SNTG1: variants seen among roughly 807,000 people sequenced by gnomAD.
The protein encoded by SNTG1 is syntrophin gamma 1, also known as gamma-1-syntrophin.
In SNTG1, 39 loss-of-function variants were observed where a neutral mutation model predicts 74.7. The ratio of observed to expected loss-of-function variants is 0.52; its 90% CI spans 0.40 to 0.68. SNTG1 has a LOEUF of 0.68. Ranked by LOEUF, SNTG1 falls within the 30% of genes least tolerant of loss-of-function variation. SNTG1 has a pLI of 0.00. For missense variants in SNTG1, 685 were observed against 609.5 expected, an observed-to-expected ratio of 1.12 and a Z score of -1.30; for synonymous variants, 254 against 217.1, an observed-to-expected ratio of 1.17 and a Z score of -1.49.
chr8:50,119,777 A>G (rs2080937335), intron 1 of SNTG1, among the ~76,000 whole-genome samples: 1 of 141,788 alleles, frequency 7.1e-6, no homozygotes, highest in African/African-American at 2.5e-5. Context: ...GCATAGGGAA[A>G]TTAAAGAAGT....
At chr8:50,316,863 A>C (rs536580041) in intron 2 of SNTG1, among the ~76,000 whole-genome samples, 22 of 152,328 alleles carry the variant, frequency 1.4e-4, no homozygotes, top group African/African-American at 5.0e-4. Context: ...TTCCAGTAAT[A>C]GTGGAACAAT....
chr8:50,484,686 C>T (rs971115762), intron 8 of SNTG1, among the ~76,000 whole-genome samples: 1 of 151,084 alleles, frequency 6.6e-6, no homozygotes, highest in African/African-American at 2.4e-5. Context: ...AGGAAGAAAC[C>T]CTAGCTCTAC....
chr8:50,410,882 A>G (rs2092940046), intron 4 of SNTG1, among the ~76,000 whole-genome samples: 1 of 152,138 alleles, frequency 6.6e-6, no homozygotes, highest in South Asian at 2.1e-4. Context: ...CTGTGTATAT[A>G]TATGCTTTAT....
intron 4 of SNTG1, among the ~76,000 whole-genome samples, chr8:50,417,512 CT>C (rs1330563634): frequency 6.6e-6 from 1 of 152,148 alleles, no homozygotes; most frequent in East Asian, 1.9e-4. Flanking sequence ...TAAATCTCCT[CT>C]AACAGTGGAG....
chr8:49,980,243 C>A (rs533815260), intron 1 of SNTG1, among the ~76,000 whole-genome samples: 16 of 152,248 alleles, frequency 1.1e-4, no homozygotes, highest in South Asian at 6.2e-4. Flanking sequence ...CTCTGGATAT[C>A]TCTTCCAATT....
chr8:50,636,548 TGAC>T lies in SNTG1; in HGVS notation c.850-20360_850-20358del, dbSNP rs1367842857. ...TGAGTTCTACTAATGTTGGCAGGACTGACTTCCAATGAAAATTCCCAAAGTCAC... is the reference window on the plus strand; with the variant it reads ...TGAGTTCTACTAATGTTGGCAGGACTTTCCAATGAAAATTCCCAAAGTCAC... On this transcript the variant is annotated intron_variant, in intron 13 of 18. Transcript: ENST00000642720. Among the ~76,000 whole-genome samples, 6 of 152,256 alleles carry T rather than the reference TGAC, an allele frequency of 3.9e-5. No individual in the cohort carries two copies. In the South Asian group the frequency reaches 1.2e-3, roughly 32 times the overall value.
At chr8:50,762,116 A>C (rs1486981313) in intron 18 of SNTG1, among the ~76,000 whole-genome samples, 1 of 150,594 alleles carries the variant, frequency 6.6e-6, no homozygotes, top group East Asian at 2.0e-4. Context: ...ACAGTGAAGA[A>C]ATTTCCCCCG....
chr8:50,644,567 T>C (rs1343254673), intron 13 of SNTG1: 1 of 152,228 alleles, frequency 6.6e-6, no homozygotes, highest in Non-Finnish European at 1.5e-5. Flanking sequence ...GTGAATCTCC[T>C]GCTTATATTT....
chr8:50,520,752 CATT>C (rs1458959316), intron 9 of SNTG1, among the ~76,000 whole-genome samples: 1 of 152,052 alleles, frequency 6.6e-6, no homozygotes, highest in Non-Finnish European at 1.5e-5. Context: ...GAATGGTGAT[CATT>C]AAGAAGTCAG....
At chr8:50,409,700 T>C (rs903341940) in intron 4 of SNTG1, among the ~76,000 whole-genome samples, 2 of 152,224 alleles carry the variant, frequency 1.3e-5, no homozygotes, top group African/African-American at 4.8e-5. Context: ...GCTGTTCTCA[T>C]GGTAGTATAC....
At chr8:50,601,628 A>G (rs1466614709) in intron 13 of SNTG1, among the ~76,000 whole-genome samples, 5 of 152,174 alleles carry the variant, frequency 3.3e-5, no homozygotes, top group Non-Finnish European at 7.4e-5. Context: ...GTAAATATTT[A>G]TTAGGTTCAT....
chr8:50,164,092 C>CTTTTTTTTTTTTTTTTTTTTTTTTTTTTT, intron 1 of SNTG1: 1 of 71,984 alleles, frequency 1.4e-5, no homozygotes, highest in Non-Finnish European at 2.7e-5. Context: ...GACACAATTT[C>CTTTTTTTTTTTTTTTTTTTTTTTTTTTTT]TTTTTTTTTT....
At chr8:50,777,194 T>C (rs998929191) in intron 18 of SNTG1, among the ~76,000 whole-genome samples, 1 of 147,340 alleles carries the variant, frequency 6.8e-6, no homozygotes, top group African/African-American at 2.5e-5. Flanking sequence ...GTCCTCATTT[T>C]TTGGACTCTG....
chr8:50,682,594 C>T (rs1405649051), intron 15 of SNTG1, among the ~76,000 whole-genome samples: 1 of 152,170 alleles, frequency 6.6e-6, no homozygotes, highest in East Asian at 1.9e-4. Flanking sequence ...TTGGAGTTCA[C>T]TATATCTAAC....
At chr8:50,429,615 AAC>A (rs1017423669) in intron 4 of SNTG1, among the ~76,000 whole-genome samples, 1 of 152,186 alleles carries the variant, frequency 6.6e-6, no homozygotes, top group African/African-American at 2.4e-5. Context: ...AATTACACAA[AAC>A]ACAGAAAAAA....
intron 8 of SNTG1, among the ~76,000 whole-genome samples, chr8:50,454,410 T>C (rs2093484390): frequency 6.6e-6 from 1 of 152,038 alleles, no homozygotes; most frequent in African/African-American, 2.4e-5. Flanking sequence ...GGCAGGAGAA[T>C]TGCTTGAACC....
chr8:50,153,162 C>T (rs1363994320), intron 1 of SNTG1, among the ~76,000 whole-genome samples: 3 of 152,170 alleles, frequency 2.0e-5, no homozygotes, highest in South Asian at 2.1e-4. Flanking sequence ...ATTCGATCTT[C>T]AATCACTGAT....
At chr8:50,336,367 T>C (rs1168177198) in intron 2 of SNTG1, among the ~76,000 whole-genome samples, 1 of 152,208 alleles carries the variant, frequency 6.6e-6, no homozygotes, top group Non-Finnish European at 1.5e-5. Flanking sequence ...CTGCCTGCTG[T>C]TTCTTCTTTC....
chr8:49,938,587 C>CTT (rs756104336), intron 1 of SNTG1, among the ~76,000 whole-genome samples: 3,595 of 42,008 alleles, frequency 0.086, 182 homozygotes, highest in Middle Eastern at 0.13. Context: ...CTTTTCTTTT[C>CTT]TTTTCTTTTC....
Sources: allele counts gnomAD v4.1 joint callset (sites outside exome capture counted in the v4.1 genomes callset), GRCh38; gene constraint gnomAD v4.1.1; transcripts MANE v1.5; gene names NCBI Gene and HGNC (gene_info 2026-07-23, HGNC 2026-07-21).